The following SH3GL1 variants were observed in gnomAD, a reference collection of about 807,000 sequenced individuals.
The protein encoded by SH3GL1 is SH3 domain containing GRB2 like 1, endophilin A2.
In SH3GL1, 21 loss-of-function variants were observed where a neutral mutation model predicts 48.8. That is an observed-to-expected ratio of 0.43 (90% CI 0.30 to 0.62). The LOEUF is 0.62. Among genes scored for constraint, SH3GL1 ranks in the 20% least tolerant of loss-of-function variants. The pLI, the probability that SH3GL1 is intolerant of heterozygous loss-of-function variation, is 0.11. For synonymous variants in SH3GL1, 282 were observed against 217.5 expected, an observed-to-expected ratio of 1.30 and a Z score of -2.61; for missense variants, 454 against 503.0, an observed-to-expected ratio of 0.90 and a Z score of 0.93.
rs760178707 is a variant in SH3GL1, at chr19:4,366,535, C to T, written c.153G>A (p.Leu51=). ...DVTSKAVTEV[L]ARTIEYLQPN... The stretch of plus-strand genomic sequence containing the variant: ...GCTGCAGGTACTCGATGGTCCTGGC[C>T]AGCACTTCTGTCACCGCCTTGCTGG... The change falls in exon 3 of 10, where the codon CTG becomes CTA. Residue 51 remains leucine, a synonymous_variant. Transcript: ENST00000269886. 6.2e-7 allele frequency: 1 copy of T among 1,612,100 alleles called. No homozygotes were observed. The highest frequency in any genetic ancestry group is 1.1e-5 in the South Asian group (1 of 90,832).
At chr19:4,370,056 A>G (rs1396311118) in intron 1 of SH3GL1, among the ~76,000 whole-genome samples, 1 of 152,170 alleles carries the variant, frequency 6.6e-6, no homozygotes, top group Admixed American at 6.5e-5. Context: ...CTGAGCACGG[A>G]GGGGACCGAG....
chr19:4,381,545 GTC>G (rs1973130410), intron 1 of SH3GL1, among the ~76,000 whole-genome samples: 1 of 46,978 alleles, frequency 2.1e-5, no homozygotes, highest in African/African-American at 9.7e-5. Flanking sequence ...TCTGTCTCCC[GTC>G]TCTGTCCCCC....
chr19:4,361,426 G>GCC lies in SH3GL1; in HGVS notation c.*172_*173dup. 1 of 596,688 alleles carries GCC rather than the reference G, an allele frequency of 1.7e-6. No homozygotes were observed. The highest frequency in any genetic ancestry group is 2.8e-5 in the East Asian group (1 of 35,686). The allele number at this position is 596,688 out of a possible 1,614,324, so 37.0% of individuals were successfully genotyped here. On this transcript the variant is annotated 3_prime_UTR_variant, in exon 10 of 10. Transcript: ENST00000269886. ...CAGGCATCCCCACCCACCCAGATAAGCCCCCCCACCCAAGTGTGGGGTCCT... is the reference window on the plus strand; with the variant it reads ...CAGGCATCCCCACCCACCCAGATAAGCCCCCCCCCACCCAAGTGTGGGGTCCT...
chr19:4,365,261 A>C (rs576592215), intron 4 of SH3GL1, among the ~76,000 whole-genome samples: 18 of 152,230 alleles, frequency 1.2e-4, no homozygotes, highest in African/African-American at 4.3e-4. Flanking sequence ...AGCTGGCTTG[A>C]GTTGGGGAAG....
chr19:4,379,434 A>AC, intron 1 of SH3GL1, among the ~76,000 whole-genome samples: 1 of 151,974 alleles, frequency 6.6e-6, no homozygotes, highest in East Asian at 1.9e-4. Flanking sequence ...TCAAAAAAAA[A>AC]AAAAAAATAA....
chr19:4,392,236 G>T (rs970675550), intron 1 of SH3GL1, among the ~76,000 whole-genome samples: 1 of 152,150 alleles, frequency 6.6e-6, no homozygotes, highest in African/African-American at 2.4e-5. Context: ...CCATATTTTT[G>T]TATCTTAAGA....
At chr19:4,364,866 TTGTGTGTGTG>T (rs373324973) in intron 4 of SH3GL1, among the ~76,000 whole-genome samples, 5 of 97,168 alleles carry the variant, frequency 5.1e-5, no homozygotes, top group South Asian at 3.4e-4. Context: ...ACCCGGCTAA[TTGTGTGTGTG>T]TGTGTGTGTG....
At chr19:4,364,395 A>C in intron 4 of SH3GL1, 174 bp from the exon 5 acceptor site, 2 of 736,280 alleles carry the variant, frequency 2.7e-6, no homozygotes, top group Non-Finnish European at 4.5e-6. Context: ...TCAGCCTCCC[A>C]AGTAGCCGGG....
At chr19:4,366,421 G>A (rs1367607977) in intron 3 of SH3GL1, 80 bp downstream of exon 3, 1 of 1,150,006 alleles carries the variant, frequency 8.7e-7, no homozygotes, top group African/African-American at 1.5e-5. Context: ...GAGCCTGGCG[G>A]TTCTGTCATC....
intron 3 of SH3GL1, among the ~76,000 whole-genome samples, chr19:4,366,204 C>A (rs1437994416): frequency 6.6e-6 from 1 of 152,176 alleles, no homozygotes; most frequent in Non-Finnish European, 1.5e-5. Context: ...CAAATGGATC[C>A]CACAAGTAAG....
At position 4,372,264 on chromosome 19, in the gene SH3GL1, C is replaced by T. The variant is rs1207652602; in HGVS notation, c.46-5270G>A. ...GAACAAGGGCCACTATTCACAGTCCCATGTGCCAGCCCCCATGCTAGGCAC... is the reference window on the plus strand; with the variant it reads ...GAACAAGGGCCACTATTCACAGTCCTATGTGCCAGCCCCCATGCTAGGCAC... On this transcript the variant is annotated intron_variant, in intron 1 of 9. Transcript: ENST00000269886. Among the ~76,000 whole-genome samples, 3 of 152,322 alleles carry T rather than the reference C, an allele frequency of 2.0e-5. No individual in the cohort carries two copies. In the East Asian group the frequency reaches 5.8e-4, roughly 29 times the overall value.
chr19:4,400,419 C>T lies in SH3GL1; in HGVS notation c.-51G>A. 1 of 1,514,646 alleles carries T rather than the reference C, an allele frequency of 6.6e-7. No homozygotes were observed. The highest frequency in any genetic ancestry group is 8.8e-7 in the Non-Finnish European group (1 of 1,137,004). The allele number at this position is 1,514,646 out of a possible 1,614,324, so 93.8% of individuals were successfully genotyped here. Reference sequence around the variant, plus strand: ...GCCCGGACCGCGCCAGCGACAGGCTCCCGGGCGCCGCCGACCCTCTGCGCG... The same window carrying T: ...GCCCGGACCGCGCCAGCGACAGGCTTCCGGGCGCCGCCGACCCTCTGCGCG... On this transcript the variant is annotated 5_prime_UTR_variant, in exon 1 of 10. Coordinates refer to ENST00000269886, the MANE Select transcript of SH3GL1 (RefSeq NM_003025.4). This position sits in a 1 kb window ranked among gnomAD's most constrained non-coding sequence, Gnocchi z 4.1.
At chr19:4,374,449 G>A (rs1477234188) in intron 1 of SH3GL1, among the ~76,000 whole-genome samples, 2 of 152,244 alleles carry the variant, frequency 1.3e-5, no homozygotes, top group South Asian at 2.1e-4. Context: ...AGTCACCAGC[G>A]GGAGTCCAGC....
At chr19:4,392,126 G>A (rs1028656425) in intron 1 of SH3GL1, among the ~76,000 whole-genome samples, 2 of 152,176 alleles carry the variant, frequency 1.3e-5, no homozygotes, top group East Asian at 1.9e-4. Context: ...CACCAACGCC[G>A]GCCCTTACCA....
Position 4,360,965 on chromosome 19 carries a change from TC to T in SH3GL1, c.*634del, listed in dbSNP as rs1972590236. On this transcript the variant is annotated 3_prime_UTR_variant, in exon 10 of 10. Transcript: ENST00000269886. ...ACCATGTTCTCTGTCCTCAGGCAGA[TC>T]CCAGCTGGCCTCTGTCCCCGGGCTG... The T allele has an allele frequency of 4.3e-6, 1 of 233,434 alleles. No homozygotes were observed. Among genetic ancestry groups the T allele is most frequent in the Admixed American group, 5.6e-5 (1 of 17,806 alleles). The allele number at this position is 233,434 out of a possible 1,614,324, so 14.5% of individuals were successfully genotyped here.
In SH3GL1 at chr19:4,364,124, G is replaced by A; in HGVS notation, c.429C>T (p.Leu143=). The change falls in exon 5 of 10, where the codon CTC becomes CTT. Residue 143 remains leucine, a synonymous_variant. Coordinates refer to ENST00000269886, the MANE Select transcript of SH3GL1 (RefSeq NM_003025.4). ...TCAGGTCTTTCTCGCACAGGTTCTG[G>A]AGGGGGTCAATGAAGTTCTGCTTGA... The part of the protein sequence containing the change: ...IEVKQNFIDP[L]QNLCEKDLKE... The A allele has an allele frequency of 1.2e-6, 2 of 1,613,730 alleles. No homozygotes were observed. Among genetic ancestry groups the A allele is most frequent in the South Asian group, 1.1e-5 (1 of 91,064 alleles).
intron 1 of SH3GL1, among the ~76,000 whole-genome samples, chr19:4,383,955 T>A (rs1369481333): frequency 1.3e-5 from 2 of 152,136 alleles, no homozygotes; most frequent in Non-Finnish European, 2.9e-5. Flanking sequence ...GGTGACAGAT[T>A]TTTTGCTGCT....
rs1036950635 is a variant in SH3GL1, at chr19:4,363,764, T to C, written c.580A>G (p.Lys194Glu). 6.2e-7 allele frequency: 1 copy of C among 1,613,864 alleles called. No individual in the cohort carries two copies. Among genetic ancestry groups the C allele is most frequent in the South Asian group, 1.1e-5 (1 of 91,066 alleles). The stretch of plus-strand genomic sequence containing the variant: ...TGCATGCTGGTTTCTGCCACCTCCT[T>C]GGACTCCTCGAACTTCTCCAGCGCC... ...RQALEKFEES[K>E]EVAETSMHNL... Residue 194 changes from lysine to glutamate, a missense_variant, in exon 6 of 10, where the codon AAG (lysine) becomes GAG (glutamate). By Grantham distance (56) the Lys-to-Glu change is moderately conservative. Around this residue, in one of 2 missense-constraint regions of SH3GL1, gnomAD observed 278 missense variants for 246.8 expected, o/e 1.13. Transcript: ENST00000269886.
At position 4,400,202 on chromosome 19, in the gene SH3GL1, G is replaced by T; in HGVS notation, c.45+122C>A. Reference sequence around the variant, plus strand: ...TCCCTTGGTCTTCCCACCTGGCAGGGGACACGCGCCAACGTCCCCACCTCG... The same window carrying T: ...TCCCTTGGTCTTCCCACCTGGCAGGTGACACGCGCCAACGTCCCCACCTCG... On this transcript the variant is annotated intron_variant, in intron 1 of 9. Transcript: ENST00000269886. The surrounding 1 kb of genome is among the most constrained non-coding windows in gnomAD (Gnocchi z 4.1). The T allele has an allele frequency of 1.8e-6, 2 of 1,084,702 alleles. No homozygotes were observed. Among genetic ancestry groups the T allele is most frequent in the Non-Finnish European group, 2.6e-6 (2 of 774,108 alleles). 67.2% of individuals were successfully genotyped at this position (1,084,702 alleles called of 1,614,324 possible).
Sources: allele counts gnomAD v4.1 joint callset (sites outside exome capture counted in the v4.1 genomes callset), GRCh38; gene constraint gnomAD v4.1.1; regional missense constraint gnomAD v4.1.1; non-coding constraint Gnocchi (gnomAD v3.1); transcripts MANE v1.5; gene names NCBI Gene and HGNC (gene_info 2026-07-23, HGNC 2026-07-21).